Variants in ARHGEF33 observed in about 807,000 individuals in gnomAD.
ARHGEF33 encodes the protein Rho guanine nucleotide exchange factor 33, also known as DH and coiled-coil domain-containing protein ENSP00000381780.
ARHGEF33 carries 72 observed loss-of-function variants against 101.9 expected under a neutral mutation model. The observed-to-expected ratio is 0.71, with a 90% confidence interval of 0.58 to 0.86. ARHGEF33 has a LOEUF of 0.86. Among genes scored for constraint, ARHGEF33 ranks in the 40% least tolerant of loss-of-function variants. The pLI is 0.00. For synonymous variants in ARHGEF33, 499 were observed against 442.5 expected (o/e 1.13, Z -1.60); for missense variants, 1,169 against 1,111.3 (o/e 1.05, Z -0.74).
intron 2 of ARHGEF33, among the ~76,000 whole-genome samples, chr2:38,910,123 C>G (rs1322019577): frequency 6.6e-6 from 1 of 152,094 alleles, no homozygotes; most frequent in Non-Finnish European, 1.5e-5. Flanking sequence ...TGATATTATG[C>G]TGAATCATTT....
intron 16 of ARHGEF33, among the ~76,000 whole-genome samples, chr2:38,965,183 A>C (rs778725937): frequency 1.3e-5 from 2 of 152,220 alleles, no homozygotes; most frequent in Admixed American, 6.5e-5. Flanking sequence ...AGGTTATTCA[A>C]AATTCAGCAG....
At chr2:38,972,821 A>G (rs1424987007) in intron 17 of ARHGEF33, among the ~76,000 whole-genome samples, 2 of 152,220 alleles carry the variant, frequency 1.3e-5, no homozygotes, top group Admixed American at 6.5e-5. Flanking sequence ...GAACTTGGTC[A>G]GTTGTATAGA....
intron 17 of ARHGEF33, 145 bp downstream of exon 17, chr2:38,966,290 G>C (rs1430801978): frequency 9.0e-7 from 1 of 1,108,892 alleles, no homozygotes; most frequent in Non-Finnish European, 1.3e-6. Context: ...CACAGTTCCG[G>C]CGGGGTGAAG....
At position 38,960,116 on chromosome 2, in the gene ARHGEF33, A is replaced by C. The variant is rs1016193590; in HGVS notation, c.1811A>C (p.Asp604Ala). 1 of 1,542,340 alleles carries C rather than the reference A, an allele frequency of 6.5e-7. No individual in the cohort carries two copies. Among genetic ancestry groups the C allele is most frequent in the East Asian group, 2.5e-5 (1 of 40,806 alleles). The change falls in exon 16 of 18, where the codon GAT (aspartate) becomes GCT (alanine). Residue 604 changes from aspartate to alanine, a missense_variant. Transcript: ENST00000409978. Reference sequence around the variant, plus strand: ...CGCGCCCCGGCCGAGCTCCTGCCCGATGCCCGCGGCTTCGTGCCCGCGGCC... The same window carrying C: ...CGCGCCCCGGCCGAGCTCCTGCCCGCTGCCCGCGGCTTCGTGCCCGCGGCC... Reference protein sequence around the residue: ...SLRAPAELLPDARGFVPAAYE... With the variant: ...SLRAPAELLPAARGFVPAAYE...
At chr2:38,939,007 C>G (rs974201134) in intron 9 of ARHGEF33, among the ~76,000 whole-genome samples, 9 of 152,256 alleles carry the variant, frequency 5.9e-5, no homozygotes, top group Admixed American at 5.2e-4. Flanking sequence ...GAGTCTTGCT[C>G]TTTCACTGAG....
chr2:38,946,491 A>G (rs541506484), intron 10 of ARHGEF33, among the ~76,000 whole-genome samples: 1 of 152,172 alleles, frequency 6.6e-6, no homozygotes, highest in Non-Finnish European at 1.5e-5. Context: ...CTTCGTTAGT[A>G]CTGAATATGA....
intron 10 of ARHGEF33, among the ~76,000 whole-genome samples, 180 bp downstream of exon 10, chr2:38,944,210 G>A (rs899252438): frequency 9.2e-5 from 14 of 152,192 alleles, no homozygotes; most frequent in Middle Eastern, 3.2e-3. Flanking sequence ...ACAGAATATC[G>A]TAGACTGGAT....
intron 7 of ARHGEF33, among the ~76,000 whole-genome samples, chr2:38,935,267 A>C (rs778403792): frequency 1.4e-5 from 2 of 146,952 alleles, no homozygotes; most frequent in African/African-American, 5.1e-5. Flanking sequence ...TGCAGCCCCA[A>C]CCTCCTGGGT....
intron 2 of ARHGEF33, among the ~76,000 whole-genome samples, chr2:38,913,098 G>A: frequency 6.7e-6 from 1 of 149,594 alleles, no homozygotes; most frequent in Admixed American, 6.7e-5. Context: ...GTGCAGTAGT[G>A]CAATCCTGTC....
In ARHGEF33 at chr2:38,937,573, G is replaced by A; in HGVS notation, c.790+14G>A. ...CCTCCTTAGCTGGTAAGTTCCAAGG[G>A]GGAATGCAGGCTAATAGTTTAAAGA... On this transcript the variant is annotated intron_variant, in intron 9 of 17. Transcript: ENST00000409978. 7.3e-7 allele frequency: 1 copy of A among 1,369,976 alleles called. No individual in the cohort carries two copies. Among genetic ancestry groups the A allele is most frequent in the Non-Finnish European group, 1.0e-6 (1 of 983,202 alleles). The allele number at this position is 1,369,976 out of a possible 1,614,324, so 84.9% of individuals were successfully genotyped here. A position where few individuals can be genotyped will look rare whatever the true frequency, so the allele number is the denominator to read the frequency against.
intron 13 of ARHGEF33, among the ~76,000 whole-genome samples, chr2:38,956,408 A>T (rs1202002849): frequency 6.6e-6 from 1 of 152,230 alleles, no homozygotes; most frequent in Admixed American, 6.5e-5. Flanking sequence ...AATAGGAAGT[A>T]CTCGATACAT....
intron 6 of ARHGEF33, among the ~76,000 whole-genome samples, chr2:38,930,391 C>T (rs1666969961): frequency 6.6e-6 from 1 of 150,988 alleles, no homozygotes; most frequent in South Asian, 2.1e-4. Context: ...ACCCTGTTGC[C>T]CACGCTGGAG....
Position 38,960,582 on chromosome 2 carries a change from A to T in ARHGEF33, c.2277A>T (p.Ala759=), listed in dbSNP as rs1265189131. The change falls in exon 16 of 18, where the codon GCA becomes GCT. Residue 759 remains alanine (A), a synonymous_variant. Coordinates refer to ENST00000409978, the MANE Select transcript of ARHGEF33 (RefSeq NM_001145451.5). ...PAAAAVAARG[A]SRTFFPQQRS... is the part of the protein sequence containing the mutation. ...CCGCCGCCGTCGCCGCCCGCGGCGC[A>T]TCCAGGACCTTCTTCCCCCAACAGA... 10 of 1,369,320 alleles carry T rather than the reference A, an allele frequency of 7.3e-6. No individual in the cohort carries two copies. Among genetic ancestry groups the T allele is most frequent in the Non-Finnish European group, 9.6e-6 (10 of 1,044,066 alleles). 84.8% of individuals were successfully genotyped at this position (1,369,320 alleles called of 1,614,324 possible). A position where few individuals can be genotyped will look rare whatever the true frequency, so the allele number is the denominator to read the frequency against.
chr2:38,919,298 A>G, intron 2 of ARHGEF33, 65 bp from the exon 3 acceptor site: 1 of 728,238 alleles, frequency 1.4e-6, no homozygotes, highest in Non-Finnish European at 2.3e-6. Flanking sequence ...TACTAATGTA[A>G]GAAGTAAATA....
intron 2 of ARHGEF33, among the ~76,000 whole-genome samples, chr2:38,913,038 GTT>G (rs537468439): frequency 1.3e-4 from 18 of 135,760 alleles, no homozygotes; most frequent in African/African-American, 1.6e-4. Context: ...TCAACAAATT[GTT>G]TTTTTTTTTT....
intron 2 of ARHGEF33, among the ~76,000 whole-genome samples, chr2:38,917,387 G>A (rs1040712644): frequency 5.3e-5 from 8 of 151,962 alleles, no homozygotes; most frequent in African/African-American, 1.5e-4. Flanking sequence ...CCACCGCATC[G>A]AGCCCATAAT....
chr2:38,903,471 C>A (rs1344060284), intron 2 of ARHGEF33, among the ~76,000 whole-genome samples: 2 of 151,386 alleles, frequency 1.3e-5, no homozygotes, highest in Non-Finnish European at 2.9e-5. Flanking sequence ...AAGCCCATCA[C>A]ATAATTTGTT....
intron 10 of ARHGEF33, among the ~76,000 whole-genome samples, chr2:38,950,508 G>T (rs766887090): frequency 4.6e-5 from 7 of 152,200 alleles, no homozygotes; most frequent in Non-Finnish European, 7.3e-5. Flanking sequence ...CTGGGGTGAA[G>T]TGGCGTGATC....
rs1221383952 is a variant in ARHGEF33 at position 38,960,561 on chromosome 2, C to A, written c.2256C>A (p.Ala752=). The change falls in exon 16 of 18, where the codon GCC becomes GCA. Residue 752 remains alanine (A), a synonymous_variant. Coordinates refer to ENST00000409978, the MANE Select transcript of ARHGEF33 (RefSeq NM_001145451.5). ...RAAQAHGPAA[A]AVAARGASRT... is the part of the protein sequence containing the mutation. ...CGCAGGCGCACGGCCCGGCCGCCGC[C>A]GCCGTCGCCGCCCGCGGCGCATCCA... The A allele has an allele frequency of 7.9e-7, 1 of 1,271,910 alleles. No homozygotes were observed. The highest frequency in any genetic ancestry group is 1.0e-6 in the Non-Finnish European group (1 of 992,512). The allele number at this position is 1,271,910 out of a possible 1,614,324, so 78.8% of individuals were successfully genotyped here.
Sources: allele counts gnomAD v4.1 joint callset (sites outside exome capture counted in the v4.1 genomes callset), GRCh38; gene constraint gnomAD v4.1.1; transcripts MANE v1.5; gene names NCBI Gene and HGNC (gene_info 2026-07-23, HGNC 2026-07-21).